STPG4: variants seen among roughly 807,000 people sequenced by gnomAD.
STPG4 encodes the protein protein STPG4.
A neutral mutation model predicts 31.5 loss-of-function variants in STPG4; 41 were observed. The observed-to-expected ratio is 1.30, with a 90% CI of 1.01 to 1.69. The LOEUF (loss-of-function observed/expected upper bound fraction) is 1.69, where lower values mean the gene tolerates loss of function less well. STPG4 is among the 40% of genes most tolerant of loss of function. STPG4 has a pLI of 0.00. For synonymous variants in STPG4, 141 were observed against 103.0 expected, an observed-to-expected ratio of 1.37 and a Z score of -2.24; for missense variants, 375 against 293.4, an observed-to-expected ratio of 1.28 and a Z score of -2.03.
chr2:47,155,115 T>C, intron 1 of STPG4, 56 bp downstream of exon 1: 1 of 1,522,468 alleles, frequency 6.6e-7, no homozygotes, highest in Non-Finnish European at 9.1e-7. Flanking sequence ...GGGAAAAGGG[T>C]AGTGGGCCTG....
chr2:47,098,895 T>G (rs2103736065), intron 5 of STPG4, among the ~76,000 whole-genome samples: 1 of 152,236 alleles, frequency 6.6e-6, no homozygotes, highest in South Asian at 2.1e-4. Context: ...AATTCTAGAA[T>G]TCTGTCAACA....
chr2:47,087,153 G>A, intron 6 of STPG4, 23 bp from the exon 7 acceptor site: 2 of 1,550,906 alleles, frequency 1.3e-6, no homozygotes, highest in Non-Finnish European at 1.7e-6. Context: ...CAGAAAACAG[G>A]GACTGATGAG....
intron 5 of STPG4, among the ~76,000 whole-genome samples, chr2:47,107,049 T>C (rs775492211): frequency 6.6e-6 from 1 of 151,984 alleles, no homozygotes; most frequent in African/African-American, 2.4e-5. Context: ...AGAACGGTCA[T>C]TGGCCAAATT....
At chr2:47,108,668 G>T (rs1001202168) in intron 5 of STPG4, 1 of 153,116 alleles carries the variant, frequency 6.5e-6, no homozygotes, top group South Asian at 2.1e-4. Flanking sequence ...GGTAGGTGTT[G>T]TCCCGCTTCC....
chr2:47,124,592 A>G (rs548591935), intron 5 of STPG4, among the ~76,000 whole-genome samples: 1 of 152,330 alleles, frequency 6.6e-6, no homozygotes, highest in East Asian at 1.9e-4. Context: ...ATGTTATTGC[A>G]AATAGGAGGA....
intron 5 of STPG4, among the ~76,000 whole-genome samples, chr2:47,109,348 G>A (rs1685990519): frequency 1.3e-5 from 2 of 152,142 alleles, no homozygotes; most frequent in Non-Finnish European, 2.9e-5. Context: ...CCTGAACTCA[G>A]GAGTTCAAGA....
chr2:47,093,658 G>A (rs532770755), intron 5 of STPG4, among the ~76,000 whole-genome samples: 8 of 152,354 alleles, frequency 5.3e-5, no homozygotes, highest in African/African-American at 1.9e-4. Flanking sequence ...CATGAAGGCT[G>A]ATGAAGCATG....
intron 3 of STPG4, among the ~76,000 whole-genome samples, chr2:47,144,991 A>C (rs1431677914): frequency 6.6e-6 from 1 of 152,258 alleles, no homozygotes. Context: ...TGGCCTCCCA[A>C]AGTGCTGGGA....
At position 47,087,081 on chromosome 2, in the gene STPG4, T is replaced by G. The variant is rs530163733; in HGVS notation, c.674A>C (p.Gln225Pro). Residue 225 changes from glutamine (Q) to proline (P), a missense_variant, in exon 7 of 7, where the codon CAG (glutamine) becomes CCG (proline). By Grantham distance (76) the Gln-to-Pro change is moderately conservative. Transcript: ENST00000445927. ...GCCCATTTTGGCTATGGTCGGAGACTGCTTAGGGAATTGTCTTAAAGTTGT... is the reference window on the plus strand; with the variant it reads ...GCCCATTTTGGCTATGGTCGGAGACGGCTTAGGGAATTGTCTTAAAGTTGT... Reference protein sequence around the residue: ...AYTTLRQFPKQSPTIAKMGQE... With the variant: ...AYTTLRQFPKPSPTIAKMGQE... 6.4e-7 allele frequency: 1 copy of G among 1,551,714 alleles called. No individual in the cohort carries two copies. The highest frequency in any genetic ancestry group is 1.4e-5 in the African/African-American group (1 of 73,076).
chr2:47,153,024 C>A lies in STPG4; in HGVS notation c.82-8G>T. ...AGTCTTTTGGGCTGGTTTCTGTTAA[C>A]AAACACAAAGTATGCTTATTCATTT... On this transcript the variant is annotated splice_region_variant and splice_polypyrimidine_tract_variant and intron_variant, in intron 1 of 6. Coordinates refer to ENST00000445927, the MANE Select transcript of STPG4 (RefSeq NM_001163561.2). The A allele has an allele frequency of 6.2e-7, 1 of 1,604,156 alleles. No individual in the cohort carries two copies. The highest frequency in any genetic ancestry group is 1.3e-5 in the African/African-American group (1 of 74,760).
intron 5 of STPG4, among the ~76,000 whole-genome samples, chr2:47,111,352 T>C (rs772647823): frequency 3.9e-5 from 6 of 152,226 alleles, no homozygotes; most frequent in Admixed American, 6.5e-5. Flanking sequence ...ATATCCTTAA[T>C]GCCCACATTT....
chr2:47,148,467 T>C (rs1193260863), intron 3 of STPG4, among the ~76,000 whole-genome samples: 1 of 152,064 alleles, frequency 6.6e-6, no homozygotes, highest in Non-Finnish European at 1.5e-5. Flanking sequence ...CCAATACAGA[T>C]TCTCGAGTTG....
intron 5 of STPG4, among the ~76,000 whole-genome samples, chr2:47,124,169 G>C (rs1004990970): frequency 3.3e-5 from 5 of 151,984 alleles, no homozygotes; most frequent in African/African-American, 7.3e-5. Flanking sequence ...TTTCAGTAGA[G>C]GTGGGGCTTC....
intron 5 of STPG4, among the ~76,000 whole-genome samples, chr2:47,122,715 G>A (rs187231432): frequency 6.5e-4 from 99 of 151,784 alleles, no homozygotes; most frequent in Middle Eastern, 3.4e-3. Flanking sequence ...TTTGCTATGC[G>A]GTCTTTTTTG....
chr2:47,153,932 AT>A (rs1314127404), intron 1 of STPG4, among the ~76,000 whole-genome samples: 28 of 152,350 alleles, frequency 1.8e-4, no homozygotes, highest in African/African-American at 6.3e-4. Context: ...TTGTCTTCAT[AT>A]TTAGTACTCT....
intron 6 of STPG4, among the ~76,000 whole-genome samples, 189 bp downstream of exon 6, chr2:47,090,081 C>T (rs1178141812): frequency 6.6e-6 from 1 of 152,218 alleles, no homozygotes; most frequent in African/African-American, 2.4e-5. Flanking sequence ...TGGTTGAGAA[C>T]ATCCAGGTAT....
At chr2:47,117,577 G>C (rs1686178010) in intron 5 of STPG4, among the ~76,000 whole-genome samples, 1 of 152,180 alleles carries the variant, frequency 6.6e-6, no homozygotes, top group South Asian at 2.1e-4. Context: ...TCCCACATTA[G>C]CCAGACACAC....
At chr2:47,129,208 G>A (rs1403375741) in intron 5 of STPG4, 1 of 152,382 alleles carries the variant, frequency 6.6e-6, no homozygotes, top group African/African-American at 2.4e-5. Flanking sequence ...GCAAAAGGAA[G>A]GCCTCTCTCT....
At chr2:47,147,964 T>A (rs1272414051) in intron 3 of STPG4, among the ~76,000 whole-genome samples, 1 of 151,478 alleles carries the variant, frequency 6.6e-6, no homozygotes, top group Non-Finnish European at 1.5e-5. Flanking sequence ...TCCTTTTTTT[T>A]TTTTTGAGAC....
Sources: allele counts gnomAD v4.1 joint callset (sites outside exome capture counted in the v4.1 genomes callset), GRCh38; gene constraint gnomAD v4.1.1; transcripts MANE v1.5; gene names NCBI Gene and HGNC (gene_info 2026-07-23, HGNC 2026-07-21).